EFCAB11: variants seen among roughly 807,000 people sequenced by gnomAD.
EFCAB11 encodes the protein EF-hand calcium binding domain 11.
Under a neutral mutation model 23.0 loss-of-function variants are expected in EFCAB11, and 14 were observed. The ratio of observed to expected loss-of-function variants is 0.61; its 90% confidence interval spans 0.40 to 0.95. The LOEUF (loss-of-function observed/expected upper bound fraction) is 0.95, where lower values mean the gene tolerates loss of function less well. Among genes scored for constraint, EFCAB11 ranks in the 40% least tolerant of loss-of-function variants. EFCAB11 has a pLI of 0.00. For synonymous variants in EFCAB11, 65 were observed against 66.6 expected, an observed-to-expected ratio of 0.98 and a Z score of 0.11; for missense variants, 198 against 195.8, an observed-to-expected ratio of 1.01 and a Z score of -0.07.
At chr14:89,924,325 T>C in intron 5 of EFCAB11, 1 of 1,078,126 alleles carries the variant, frequency 9.3e-7, no homozygotes, top group Non-Finnish European at 1.1e-6. Flanking sequence ...GAGCATTTGG[T>C]GCCTCGATAT....
intron 5 of EFCAB11, among the ~76,000 whole-genome samples, chr14:89,826,072 CTCTT>C (rs1255711184): frequency 6.6e-6 from 1 of 150,934 alleles, no homozygotes; most frequent in African/African-American, 2.5e-5. Context: ...AATAAGATCT[CTCTT>C]TCTCTCTCTC....
chr14:89,849,607 T>G (rs1209175587), intron 5 of EFCAB11, among the ~76,000 whole-genome samples: 2 of 12,698 alleles, frequency 1.6e-4, no homozygotes, highest in African/African-American at 3.3e-4. Flanking sequence ...AGGAAATCTG[T>G]TTTTTTTTTT....
intron 5 of EFCAB11, chr14:89,837,232 A>T (rs1201796794): frequency 4.8e-6 from 2 of 415,226 alleles, no homozygotes; most frequent in Non-Finnish European, 9.8e-6. Context: ...TATCCATCCA[A>T]TCAATTTTCT....
intron 5 of EFCAB11, among the ~76,000 whole-genome samples, chr14:89,842,238 T>C (rs556688898): frequency 7.5e-4 from 114 of 152,310 alleles, no homozygotes; most frequent in African/African-American, 2.4e-3. Context: ...CAATGACCCC[T>C]AGTGGGTCTC....
intron 5 of EFCAB11, among the ~76,000 whole-genome samples, chr14:89,850,558 C>T (rs1887572795): frequency 6.6e-6 from 1 of 152,130 alleles, no homozygotes; most frequent in South Asian, 2.1e-4. Flanking sequence ...GTTAACATTG[C>T]CTGGATGAAC....
In EFCAB11 at chr14:89,932,339, T is replaced by C. The variant is rs368900831; in HGVS notation, c.319+187A>G. On this transcript the variant is annotated intron_variant, in intron 4 of 5. Transcript: ENST00000316738. ...CTATATAACTGTAAATACTATTTCATCTATGGTAAATGTCAAGAAATCACG... is the reference window on the plus strand; with the variant it reads ...CTATATAACTGTAAATACTATTTCACCTATGGTAAATGTCAAGAAATCACG... Among the ~76,000 whole-genome samples, 72 of 152,268 alleles carry C rather than the reference T, an allele frequency of 4.7e-4. No homozygotes were observed. The South Asian group carries it at 0.014, about 30-fold the overall frequency.
At chr14:89,877,449 T>C (rs941497871) in intron 5 of EFCAB11, among the ~76,000 whole-genome samples, 14 of 152,308 alleles carry the variant, frequency 9.2e-5, no homozygotes, top group African/African-American at 3.1e-4. Context: ...GGATTACTAC[T>C]GGGTATAAGA....
chr14:89,850,915 C>T (rs1259219986), intron 5 of EFCAB11, among the ~76,000 whole-genome samples: 2 of 152,072 alleles, frequency 1.3e-5, no homozygotes, highest in Non-Finnish European at 2.9e-5. Context: ...AGAAACTGAG[C>T]CCTAGGAAGT....
chr14:89,805,560 G>A (rs1885940041), intron 5 of EFCAB11, among the ~76,000 whole-genome samples: 1 of 152,164 alleles, frequency 6.6e-6, no homozygotes, highest in South Asian at 2.1e-4. Flanking sequence ...ATGCTCCAAT[G>A]GTACATTGAT....
chr14:89,815,634 C>T (rs1300381779), intron 5 of EFCAB11, among the ~76,000 whole-genome samples: 2 of 152,100 alleles, frequency 1.3e-5, no homozygotes, highest in Admixed American at 6.5e-5. Flanking sequence ...CCATGTTGGC[C>T]AGGATGGTCT....
intron 5 of EFCAB11, among the ~76,000 whole-genome samples, chr14:89,820,571 T>A (rs1432756422): frequency 6.6e-6 from 1 of 151,732 alleles, no homozygotes; most frequent in Admixed American, 6.6e-5. Context: ...ATTTCCCTCA[T>A]CAAAACGTTA....
At chr14:89,953,754 T>C (rs1891290063) in intron 2 of EFCAB11, 152 bp downstream of exon 2, 2 of 583,552 alleles carry the variant, frequency 3.4e-6, no homozygotes, top group Non-Finnish European at 6.0e-6. Flanking sequence ...GGCTGAGGTG[T>C]TAAGAGGAAG....
rs539958797 is a variant in EFCAB11 at position 89,903,905 on chromosome 14, C to CT, written c.410+27635dup. On this transcript the variant is annotated intron_variant, in intron 5 of 5. Coordinates refer to ENST00000316738, the MANE Select transcript of EFCAB11 (RefSeq NM_145231.4). ...AAAAGGCATGGCATCAGATGGATTC[C>CT]TTTTTTTTATATATTTATACCCATA... Among the ~76,000 whole-genome samples, 6 of 151,980 alleles carry CT rather than the reference C, an allele frequency of 3.9e-5. No homozygotes were observed. The South Asian group carries it at 6.2e-4, about 16-fold the overall frequency.
chr14:89,903,753 C>T (rs1235137109), intron 5 of EFCAB11, among the ~76,000 whole-genome samples: 1 of 152,142 alleles, frequency 6.6e-6, no homozygotes, highest in South Asian at 2.1e-4. Context: ...AATTTATTAT[C>T]TACCTTTAAG....
rs1168248324 is a variant in EFCAB11 at position 89,890,493 on chromosome 14, T to C, written c.410+41048A>G. Among the ~76,000 whole-genome samples the C allele has an allele frequency of 4.6e-5, 7 of 152,354 alleles. No individual in the cohort carries two copies. The South Asian group carries it at 1.0e-3, about 23-fold the overall frequency. On this transcript the variant is annotated intron_variant, in intron 5 of 5. Transcript: ENST00000316738. ...CTTTTCTAACACTTAATAATTCTTA[T>C]TGTCTACCTAATAAATCAATATTTG...
chr14:89,843,931 T>G (rs1192746814), intron 5 of EFCAB11, among the ~76,000 whole-genome samples: 1 of 152,246 alleles, frequency 6.6e-6, no homozygotes, highest in Non-Finnish European at 1.5e-5. Flanking sequence ...AAATTTCACT[T>G]GAAAGCTTGA....
At chr14:89,841,154 A>T (rs1367684860) in intron 5 of EFCAB11, among the ~76,000 whole-genome samples, 2 of 152,146 alleles carry the variant, frequency 1.3e-5, no homozygotes, top group African/African-American at 4.8e-5. Flanking sequence ...TTAAACTATC[A>T]TACATCCTCA....
chr14:89,861,813 G>C (rs1237428040), intron 5 of EFCAB11, among the ~76,000 whole-genome samples: 1 of 152,122 alleles, frequency 6.6e-6, no homozygotes, highest in East Asian at 1.9e-4. Flanking sequence ...TTATGATGCA[G>C]CAAGATGGTC....
At chr14:89,938,111 T>C (rs1890654908) in intron 3 of EFCAB11, 1 of 152,052 alleles carries the variant, frequency 6.6e-6, no homozygotes, top group African/African-American at 2.4e-5. Flanking sequence ...CTCTTGAAAA[T>C]GAAGGAGTCT....
Sources: allele counts gnomAD v4.1 joint callset (sites outside exome capture counted in the v4.1 genomes callset), GRCh38; gene constraint gnomAD v4.1.1; transcripts MANE v1.5; gene names NCBI Gene and HGNC (gene_info 2026-07-23, HGNC 2026-07-21).